MAML2: variants seen among roughly 807,000 people sequenced by gnomAD.
MAML2 encodes the protein mastermind-like protein 2.
MAML2 carries 22 observed loss-of-function variants against 96.1 expected under a neutral mutation model. That is an observed-to-expected ratio of 0.23 (90% CI 0.16 to 0.33). The LOEUF (loss-of-function observed/expected upper bound fraction) is 0.33, where lower values mean the gene tolerates loss of function less well. Among genes scored for constraint, MAML2 ranks in the 10% least tolerant of loss-of-function variants. The pLI is 1.00. For synonymous variants in MAML2, 561 were observed against 521.3 expected, an observed-to-expected ratio of 1.08 and a Z score of -1.04; for missense variants, 1,367 against 1,392.4, an observed-to-expected ratio of 0.98 and a Z score of 0.29.
At chr11:96,270,395 T>C (rs11604995) in intron 1 of MAML2, among the ~76,000 whole-genome samples, 19,130 of 152,058 alleles carry the variant, frequency 0.13, 1,346 homozygotes, top group Admixed American at 0.24. Flanking sequence ...CTGCAACCTT[T>C]GCCTCCCGGG....
intron 1 of MAML2, among the ~76,000 whole-genome samples, chr11:96,316,193 T>C (rs573576993): frequency 6.6e-6 from 1 of 152,290 alleles, no homozygotes; most frequent in African/African-American, 2.4e-5. Flanking sequence ...CCCTATCTTC[T>C]GGAATAGAAT....
intron 2 of MAML2, among the ~76,000 whole-genome samples, chr11:96,088,411 G>C (rs576273503): frequency 6.6e-6 from 1 of 152,262 alleles, no homozygotes; most frequent in South Asian, 2.1e-4. Flanking sequence ...TGGTTCAAGA[G>C]GTAAGCACTT....
intron 1 of MAML2, among the ~76,000 whole-genome samples, chr11:96,238,266 G>T (rs942915500): frequency 2.0e-5 from 3 of 152,220 alleles, no homozygotes; most frequent in African/African-American, 7.2e-5. Flanking sequence ...TCAGTGAAGG[G>T]CTTGTATAAA....
At chr11:96,247,021 G>C (rs1862521527) in intron 1 of MAML2, among the ~76,000 whole-genome samples, 2 of 152,038 alleles carry the variant, frequency 1.3e-5, no homozygotes, top group Admixed American at 1.3e-4. Context: ...GACAAAAATT[G>C]CGTGTGATCC....
chr11:96,160,525 T>G (rs1403568202), intron 1 of MAML2, among the ~76,000 whole-genome samples: 1 of 151,820 alleles, frequency 6.6e-6, no homozygotes, highest in Non-Finnish European at 1.5e-5. Context: ...CTTCCAGGGT[T>G]CAAGTGATTC....
chr11:96,108,054 G>A (rs919324779), intron 1 of MAML2, among the ~76,000 whole-genome samples: 3 of 152,154 alleles, frequency 2.0e-5, no homozygotes, highest in African/African-American at 7.2e-5. Flanking sequence ...ATAGCTTGTC[G>A]GTCAGAAGCA....
At chr11:96,221,659 A>G in intron 1 of MAML2, among the ~76,000 whole-genome samples, 1 of 146,362 alleles carries the variant, frequency 6.8e-6, no homozygotes, top group Admixed American at 6.8e-5. Flanking sequence ...TGCACAGTAT[A>G]GGGAAGATGT....
intron 1 of MAML2, among the ~76,000 whole-genome samples, chr11:96,122,717 A>C (rs1216036358): frequency 6.6e-6 from 1 of 152,216 alleles, no homozygotes; most frequent in Non-Finnish European, 1.5e-5. Flanking sequence ...AGGGAATGCA[A>C]CCACAGATTC....
intron 2 of MAML2, among the ~76,000 whole-genome samples, chr11:96,091,600 A>G (rs1859706427): frequency 6.6e-6 from 1 of 152,152 alleles, no homozygotes; most frequent in Non-Finnish European, 1.5e-5. Flanking sequence ...CATCTGATTG[A>G]CAACTGGATA....
intron 1 of MAML2, among the ~76,000 whole-genome samples, chr11:96,252,749 T>C (rs1286773715): frequency 2.6e-5 from 4 of 152,178 alleles, no homozygotes; most frequent in Admixed American, 6.5e-5. Flanking sequence ...TCCAAGGTCA[T>C]ATCAGGTGTA....
intron 1 of MAML2, among the ~76,000 whole-genome samples, chr11:96,136,551 T>A (rs928095407): frequency 1.3e-5 from 2 of 152,154 alleles, no homozygotes; most frequent in Non-Finnish European, 2.9e-5. Flanking sequence ...AGTTGTTTAT[T>A]TCCTGCTTTC....
intron 1 of MAML2, among the ~76,000 whole-genome samples, chr11:96,221,649 T>C (rs1353630682): frequency 6.6e-6 from 1 of 151,140 alleles, no homozygotes; most frequent in Non-Finnish European, 1.5e-5. Context: ...TCTTTGCTTC[T>C]GCACAGTATA....
intron 1 of MAML2, among the ~76,000 whole-genome samples, chr11:96,141,355 A>C (rs1365092844): frequency 6.6e-6 from 1 of 152,192 alleles, no homozygotes; most frequent in African/African-American, 2.4e-5. Context: ...CCCTACCAGG[A>C]CCCTTGACAT....
chr11:96,342,060 A>G lies in MAML2; in HGVS notation c.-165T>C. 3 of 602,186 alleles carry G rather than the reference A, an allele frequency of 5.0e-6. No homozygotes were observed. Among genetic ancestry groups the G allele is most frequent in the Non-Finnish European group, 5.6e-6 (2 of 358,810 alleles). The allele number at this position is 602,186 out of a possible 1,614,324, so 37.3% of individuals were successfully genotyped here. On this transcript the variant is annotated 5_prime_UTR_variant, in exon 1 of 5. Coordinates refer to ENST00000524717, the MANE Select transcript of MAML2 (RefSeq NM_032427.4). ...GGGAGCCGTGGAGAAGTTGTGGGGGAGGGGAGTTAGTAAAAAGAGGGTGGG... is the reference window on the plus strand; with the variant it reads ...GGGAGCCGTGGAGAAGTTGTGGGGGGGGGGAGTTAGTAAAAAGAGGGTGGG...
chr11:96,015,987 T>C (rs1858345952), intron 2 of MAML2, among the ~76,000 whole-genome samples: 1 of 152,162 alleles, frequency 6.6e-6, no homozygotes, highest in Non-Finnish European at 1.5e-5. Flanking sequence ...AGATAATACA[T>C]GCATGGCTGG....
rs991528338 is a variant in MAML2 at position 95,980,079 on chromosome 11, G to A, written c.2456-116C>T. Reference sequence around the variant, plus strand: ...CTTTCAGGTGTAAGACAATTTAGGCGAAATAATGATCAAATAAATTATATA... The same window carrying A: ...CTTTCAGGTGTAAGACAATTTAGGCAAAATAATGATCAAATAAATTATATA... On this transcript the variant is annotated intron_variant, in intron 4 of 4. Transcript: ENST00000524717. 6.3e-5 allele frequency: 47 copies of A among 748,716 alleles called. No homozygotes were observed. In the Middle Eastern group the frequency reaches 9.3e-4, roughly 15 times the overall value. The allele number at this position is 748,716 out of a possible 1,614,324, so 46.4% of individuals were successfully genotyped here.
chr11:96,272,670 G>A (rs1166205493), intron 1 of MAML2, among the ~76,000 whole-genome samples: 1 of 152,174 alleles, frequency 6.6e-6, no homozygotes. Context: ...GCCTTAAAAT[G>A]ATTTAACACA....
At chr11:96,145,721 T>C (rs1860804238) in intron 1 of MAML2, among the ~76,000 whole-genome samples, 1 of 152,210 alleles carries the variant, frequency 6.6e-6, no homozygotes, top group Non-Finnish European at 1.5e-5. Flanking sequence ...AAAAATTGTA[T>C]ACTTGTTCGG....
At chr11:95,982,950 T>C (rs1857765022) in intron 4 of MAML2, among the ~76,000 whole-genome samples, 1 of 152,200 alleles carries the variant, frequency 6.6e-6, no homozygotes, top group African/African-American at 2.4e-5. Flanking sequence ...CCTACACATA[T>C]GTAACATTTT....
Sources: gnomAD v4.1 joint callset for allele counts (sites outside exome capture counted in the v4.1 genomes callset) on GRCh38, gnomAD v4.1.1 for gene constraint, MANE v1.5 for transcripts, NCBI Gene and HGNC (gene_info 2026-07-23, HGNC 2026-07-21) for gene names.